Variants in DAZL observed in about 807,000 individuals in gnomAD.
DAZL encodes deleted in azoospermia like, also known as deleted in azoospermia-like.
In DAZL, 4 loss-of-function variants were observed where a neutral mutation model predicts 45.0. The observed-to-expected ratio is 0.09, with a 90% CI of 0.04 to 0.20. The LOEUF (loss-of-function observed/expected upper bound fraction) is 0.20. Among genes scored for constraint, DAZL ranks in the 10% least tolerant of loss-of-function variants. DAZL has a pLI of 1.00. For missense variants in DAZL, 326 were observed against 351.3 expected (o/e 0.93, Z 0.58); for synonymous variants, 122 against 112.4 (o/e 1.09, Z -0.54).
At chr3:16,589,325 A>G (rs574304357) in intron 10 of DAZL, among the ~76,000 whole-genome samples, 7 of 152,324 alleles carry the variant, frequency 4.6e-5, no homozygotes, top group African/African-American at 1.7e-4. Context: ...AATGGGACTA[A>G]GCAAATGAGT....
chr3:16,592,040 ATAT>A lies in DAZL; in HGVS notation c.834+7_834+9del, dbSNP rs1559401419. ...TGCTTTTTAATTGTGCGTAACTGTT[ATAT>A]TCATACCTTGAAGTAGTCATCTTGA... On this transcript the variant is annotated splice_region_variant and intron_variant, in intron 10 of 10. Transcript: ENST00000399444. 2 of 1,609,710 alleles carry A rather than the reference ATAT, an allele frequency of 1.2e-6. No individual in the cohort carries two copies. Among genetic ancestry groups the A allele is most frequent in the Non-Finnish European group, 1.7e-6 (2 of 1,176,200 alleles).
rs199643636 is a variant in DAZL at position 16,594,478 on chromosome 3, C to CA, written c.621+54dup. On this transcript the variant is annotated intron_variant, in intron 8 of 10. Transcript: ENST00000399444. ...AAAACAATCAAGAAATATAGTTAAA[C>CA]AAAAAAAAATACTTTAAAATAACAG... is the stretch of plus-strand genomic sequence containing the variant. 2.0e-3 allele frequency: 2,547 copies of CA among 1,276,390 alleles called. 12 individuals are homozygous for CA. The highest frequency in any genetic ancestry group is 0.015 in the African/African-American group (959 of 63,510). 79.1% of individuals were successfully genotyped at this position (1,276,390 alleles called of 1,614,324 possible). A position where few individuals can be genotyped will look rare whatever the true frequency, so the allele number is the denominator to read the frequency against.
intron 1 of DAZL, 140 bp downstream of exon 1, chr3:16,605,063 A>G (rs1694757618): frequency 7.9e-6 from 9 of 1,133,752 alleles, no homozygotes; most frequent in Middle Eastern, 5.3e-4. Context: ...TCTGTGGGCC[A>G]TGGCTGTGGT....
rs1263811838 is a variant in DAZL, at chr3:16,588,335, G to A, written c.*325C>T. The A allele has an allele frequency of 6.3e-6, 2 of 318,404 alleles. No individual in the cohort carries two copies. The highest frequency in any genetic ancestry group is 1.2e-5 in the Non-Finnish European group (2 of 166,344). 19.7% of individuals were successfully genotyped at this position (318,404 alleles called of 1,614,324 possible). A position where few individuals can be genotyped will look rare whatever the true frequency, so the allele number is the denominator to read the frequency against. Reference sequence around the variant, plus strand: ...ACAAAATTCTGACCTTTCAAAATAGGTTTTTAAAAACATTTTTTTGAAAAT... The same window carrying A: ...ACAAAATTCTGACCTTTCAAAATAGATTTTTAAAAACATTTTTTTGAAAAT... On this transcript the variant is annotated 3_prime_UTR_variant, in exon 11 of 11. Coordinates refer to ENST00000399444, the MANE Select transcript of DAZL (RefSeq NM_001351.4).
intron 1 of DAZL, among the ~76,000 whole-genome samples, chr3:16,603,024 C>T (rs1694715945): frequency 6.6e-6 from 1 of 152,108 alleles, no homozygotes; most frequent in Non-Finnish European, 1.5e-5. Context: ...AAGTGCACAT[C>T]AACATAGTAA....
chr3:16,605,235 C>T lies in DAZL; in HGVS notation c.-30G>A. On this transcript the variant is annotated 5_prime_UTR_variant, in exon 1 of 11. Coordinates refer to ENST00000399444, the MANE Select transcript of DAZL (RefSeq NM_001351.4). ...GCGGCAGGCAGCAGTTCCCGACCGG[C>T]TCCAGGAGGAGCAGAGGCTGTGCTT... The T allele has an allele frequency of 1.2e-6, 2 of 1,614,156 alleles. No homozygotes were observed. The highest frequency in any genetic ancestry group is 1.7e-6 in the Non-Finnish European group (2 of 1,179,970).
At chr3:16,594,427 TA>T (rs1694566278) in intron 8 of DAZL, 105 bp downstream of exon 8, 1 of 853,018 alleles carries the variant, frequency 1.2e-6, no homozygotes, top group Non-Finnish European at 1.8e-6. Context: ...AAAAACTATT[TA>T]AAAATATAGG....
Position 16,587,566 on chromosome 3 carries a change from A to G in DAZL, c.*1094T>C, listed in dbSNP as rs551526307. The G allele has an allele frequency of 6.5e-6, 1 of 152,764 alleles. No homozygotes were observed. Among genetic ancestry groups the G allele is most frequent in the East Asian group, 1.9e-4 (1 of 5,186 alleles). The allele number at this position is 152,764 out of a possible 1,614,324, so 9.5% of individuals were successfully genotyped here. A position where few individuals can be genotyped will look rare whatever the true frequency, so the allele number is the denominator to read the frequency against. Reference sequence around the variant, plus strand: ...TCTGATGCTCTAGCTGTTTGTCACAATGTAAAATGAAGACACCAGCTAATC... The same window carrying G: ...TCTGATGCTCTAGCTGTTTGTCACAGTGTAAAATGAAGACACCAGCTAATC... On this transcript the variant is annotated 3_prime_UTR_variant, in exon 11 of 11. Coordinates refer to ENST00000399444, the MANE Select transcript of DAZL (RefSeq NM_001351.4).
chr3:16,598,440 T>A lies in DAZL; in HGVS notation c.150+12A>T. ...TGCATTTCAAGGTAAAAATGAGGTA[T>A]GAATACAATACCCTAACATCAATTC... On this transcript the variant is annotated intron_variant, in intron 2 of 10. Transcript: ENST00000399444. 6.2e-7 allele frequency: 1 copy of A among 1,606,140 alleles called. No homozygotes were observed. The highest frequency in any genetic ancestry group is 8.5e-7 in the Non-Finnish European group (1 of 1,176,080).
Position 16,592,140 on chromosome 3 carries a change from C to A in DAZL, c.744G>T (p.Val248=). 1 of 1,613,140 alleles carries A rather than the reference C, an allele frequency of 6.2e-7. No homozygotes were observed. Among genetic ancestry groups the A allele is most frequent in the Non-Finnish European group, 8.5e-7 (1 of 1,179,792 alleles). Residue 248 remains valine, a synonymous_variant, in exon 10 of 11, where the codon GTG becomes GTT. Coordinates refer to ENST00000399444, the MANE Select transcript of DAZL (RefSeq NM_001351.4). ...PSGNGPQKKS[V]DRSIQTVVSC... ...ATACCACCGTTTGTATGCTTCGGTCCACAGATTTCTGAAACACAGAAGTTT... is the reference window on the plus strand; with the variant it reads ...ATACCACCGTTTGTATGCTTCGGTCAACAGATTTCTGAAACACAGAAGTTT...
At chr3:16,597,083 A>C in intron 4 of DAZL, 32 bp from the exon 5 acceptor site, 1 of 1,592,498 alleles carries the variant, frequency 6.3e-7, no homozygotes, top group South Asian at 1.1e-5. Flanking sequence ...AACTAGAATC[A>C]ATTTTCAAGT....
In DAZL at chr3:16,596,968, C is replaced by T. The variant is rs779520939; in HGVS notation, c.358+20G>A. On this transcript the variant is annotated intron_variant, in intron 5 of 10. Transcript: ENST00000399444. ...CAATTTCTTTTATGTTTAAAAAGAA[C>T]AATTTCTTTTTGTACTCACATAAAT... is the stretch of plus-strand genomic sequence containing the variant. 1.2e-6 allele frequency: 2 copies of T among 1,612,274 alleles called. No individual in the cohort carries two copies. Among genetic ancestry groups the T allele is most frequent in the East Asian group, 2.2e-5 (1 of 44,862 alleles).
chr3:16,590,750 A>C (rs868310586), intron 10 of DAZL, among the ~76,000 whole-genome samples: 17 of 152,304 alleles, frequency 1.1e-4, no homozygotes, highest in Middle Eastern at 3.4e-3. Flanking sequence ...TGACTGAAAA[A>C]ACCGGTCACA....
Position 16,594,594 on chromosome 3 carries a change from A to C in DAZL, c.571-11T>G, listed in dbSNP as rs530774370. On this transcript the variant is annotated splice_polypyrimidine_tract_variant and intron_variant, in intron 7 of 10. Transcript: ENST00000399444. ...CCACTGTGGTGGCATCTTAAAAAAA[A>C]AAAAAAGGAAACCAAAATTATTCAA... The C allele has an allele frequency of 6.4e-7, 1 of 1,564,072 alleles. No homozygotes were observed. The highest frequency in any genetic ancestry group is 8.6e-7 in the Non-Finnish European group (1 of 1,159,828).
intron 1 of DAZL, among the ~76,000 whole-genome samples, chr3:16,601,215 T>C (rs1341962390): frequency 2.0e-5 from 3 of 152,166 alleles, no homozygotes; most frequent in Non-Finnish European, 4.4e-5. Context: ...CTTCTAATTC[T>C]CATACCCTAT....
chr3:16,599,767 A>G (rs888892970), intron 1 of DAZL, among the ~76,000 whole-genome samples: 2 of 152,236 alleles, frequency 1.3e-5, no homozygotes, highest in African/African-American at 4.8e-5. Flanking sequence ...TGTAAGTAAT[A>G]TATATGTTGG....
chr3:16,589,524 C>T (rs1418636924), intron 10 of DAZL, among the ~76,000 whole-genome samples: 1 of 152,102 alleles, frequency 6.6e-6, no homozygotes, highest in Non-Finnish European at 1.5e-5. Flanking sequence ...ACGCAGGAAA[C>T]AAGATTATGA....
At chr3:16,602,533 A>G (rs1416356239) in intron 1 of DAZL, among the ~76,000 whole-genome samples, 1 of 152,234 alleles carries the variant, frequency 6.6e-6, no homozygotes, top group East Asian at 1.9e-4. Flanking sequence ...GGAAAAAAGT[A>G]TTTCTCAACG....
chr3:16,602,060 A>G (rs940501313), intron 1 of DAZL, among the ~76,000 whole-genome samples: 1 of 152,212 alleles, frequency 6.6e-6, no homozygotes, highest in African/African-American at 2.4e-5. Flanking sequence ...AATTAAGAAA[A>G]TATGACATGA....
Sources: gnomAD v4.1 joint callset for allele counts (sites outside exome capture counted in the v4.1 genomes callset) on GRCh38, gnomAD v4.1.1 for gene constraint, MANE v1.5 for transcripts, NCBI Gene and HGNC (gene_info 2026-07-23, HGNC 2026-07-21) for gene names.